SHISA9: variants seen among roughly 807,000 people sequenced by gnomAD.
SHISA9 encodes the protein shisa family member 9.
A neutral mutation model predicts 38.0 loss-of-function variants in SHISA9; 13 were observed. The observed-to-expected ratio is 0.34, with a 90% confidence interval of 0.22 to 0.54. The LOEUF (loss-of-function observed/expected upper bound fraction) is 0.54. SHISA9 is among the 20% of genes least tolerant of loss of function. SHISA9 has a pLI of 0.91. For missense variants in SHISA9, 538 were observed against 575.8 expected (o/e 0.93, Z 0.67); for synonymous variants, 275 against 242.0 (o/e 1.14, Z -1.27).
intron 2 of SHISA9, among the ~76,000 whole-genome samples, chr16:13,143,703 C>A (rs1045940804): frequency 1.3e-5 from 2 of 152,212 alleles, no homozygotes; most frequent in South Asian, 2.1e-4. Flanking sequence ...CAAATGAATT[C>A]TCCCCCATGG....
chr16:13,436,323 A>G, the SHISA9 span, among the ~76,000 whole-genome samples: 1 of 152,220 alleles, frequency 6.6e-6, no homozygotes, highest in Non-Finnish European at 1.5e-5. Context: ...ACTGGTCATT[A>G]TATGCTAACC....
chr16:13,225,645 T>A (rs1225443718), intron 4 of SHISA9, among the ~76,000 whole-genome samples: 1 of 152,104 alleles, frequency 6.6e-6, no homozygotes, highest in Non-Finnish European at 1.5e-5. Flanking sequence ...TAGGAACCCC[T>A]CCCTAAGATA....
chr16:13,121,821 C>A (rs204042), intron 2 of SHISA9, among the ~76,000 whole-genome samples: 2 of 139,202 alleles, frequency 1.4e-5, no homozygotes, highest in African/African-American at 2.7e-5. Flanking sequence ...CATTAAACAC[C>A]TATACACACA....
In SHISA9 at chr16:12,947,814, A is replaced by G. The variant is rs558712417; in HGVS notation, c.691+30999A>G. Among the ~76,000 whole-genome samples, 12 of 152,226 alleles carry G rather than the reference A, an allele frequency of 7.9e-5. No homozygotes were observed. The South Asian group carries it at 8.3e-4, about 11-fold the overall frequency. ...GCCTGGTTCCTCTGAGAAATAGAAC[A>G]CAAATGGTATAATTTTGCAAAGATG... On this transcript the variant is annotated intron_variant, in intron 2 of 4. Transcript: ENST00000558583.
chr16:13,043,397 A>G (rs1330123591), intron 2 of SHISA9, among the ~76,000 whole-genome samples: 1 of 152,208 alleles, frequency 6.6e-6, no homozygotes, highest in Non-Finnish European at 1.5e-5. Context: ...GTAAACAGCT[A>G]GCTACTTCCC....
the SHISA9 span, among the ~76,000 whole-genome samples, chr16:13,487,738 C>T: frequency 6.6e-6 from 1 of 152,140 alleles, no homozygotes; most frequent in African/African-American, 2.4e-5. Context: ...TACTATACTG[C>T]ATTGTTTTTA....
At chr16:13,465,485 G>T in the SHISA9 span, among the ~76,000 whole-genome samples, 1 of 152,166 alleles carries the variant, frequency 6.6e-6, no homozygotes, top group Non-Finnish European at 1.5e-5. Flanking sequence ...CAGGTTGACT[G>T]GGGAGAAACA....
At chr16:13,242,732 TCTGA>T (rs1276607729), downstream of SHISA9, among the ~76,000 whole-genome samples, 1 of 152,242 alleles carries the variant, frequency 6.6e-6, no homozygotes, top group Admixed American at 6.5e-5. Context: ...AACCCTGCTC[TCTGA>T]CTGGACTGAG....
the SHISA9 span, among the ~76,000 whole-genome samples, chr16:13,417,811 C>T: frequency 3.9e-5 from 6 of 152,276 alleles, no homozygotes; most frequent in Non-Finnish European, 7.4e-5. Context: ...TTAATGCCAA[C>T]GGGCAGAGAA....
chr16:13,029,754 T>C (rs1025179220), intron 2 of SHISA9, among the ~76,000 whole-genome samples: 1 of 152,202 alleles, frequency 6.6e-6, no homozygotes, highest in African/African-American at 2.4e-5. Flanking sequence ...ATAAAAACAA[T>C]TGAACCCATC....
chr16:13,307,132 G>A, the SHISA9 span, among the ~76,000 whole-genome samples: 3 of 152,142 alleles, frequency 2.0e-5, no homozygotes, highest in Non-Finnish European at 2.9e-5. Flanking sequence ...TGGACAAGTC[G>A]TTCAACTGCT....
the SHISA9 span, chr16:13,332,579 T>TC: frequency 2.0e-5 from 3 of 152,138 alleles, no homozygotes; most frequent in African/African-American, 7.2e-5. Flanking sequence ...GGATGTTTTT[T>TC]CCCCAAACAA....
the SHISA9 span, among the ~76,000 whole-genome samples, chr16:13,555,831 A>G: frequency 5.3e-5 from 8 of 150,900 alleles, no homozygotes; most frequent in Middle Eastern, 3.5e-3. Context: ...ATAACTATCC[A>G]CCTCTCAGCC....
At chr16:13,025,080 A>G (rs909688342) in intron 2 of SHISA9, among the ~76,000 whole-genome samples, 4 of 151,960 alleles carry the variant, frequency 2.6e-5, no homozygotes, top group South Asian at 4.2e-4. Context: ...TTTTTTTCTG[A>G]ATCTCTAGGT....
intron 2 of SHISA9, among the ~76,000 whole-genome samples, chr16:13,047,451 A>G (rs1448372321): frequency 1.3e-5 from 2 of 152,178 alleles, no homozygotes; most frequent in Admixed American, 1.3e-4. Context: ...TTTACTTTGA[A>G]CAAATTTTCT....
At chr16:13,052,499 A>G (rs1203687567) in intron 2 of SHISA9, among the ~76,000 whole-genome samples, 1 of 152,200 alleles carries the variant, frequency 6.6e-6, no homozygotes, top group Non-Finnish European at 1.5e-5. Flanking sequence ...TGAGTCATGA[A>G]TCAACCATGA....
chr16:13,481,775 A>T, the SHISA9 span, among the ~76,000 whole-genome samples: 1 of 152,220 alleles, frequency 6.6e-6, no homozygotes, highest in Admixed American at 6.5e-5. Context: ...AGGATCTGCA[A>T]ATCTGCAAAG....
At chr16:12,928,332 A>ATG (rs55677451) in intron 2 of SHISA9, among the ~76,000 whole-genome samples, 36,807 of 87,982 alleles carry the variant, frequency 0.42, 4,905 homozygotes, top group East Asian at 0.54. Flanking sequence ...GTGTGTGTGT[A>ATG]TGTGTGTGTG....
At chr16:13,335,783 A>T in the SHISA9 span, among the ~76,000 whole-genome samples, 28 of 152,154 alleles carry the variant, frequency 1.8e-4, no homozygotes, top group Non-Finnish European at 4.0e-4. Context: ...CTCAAGTAGG[A>T]ATCACAGAGT....
Sources: allele counts gnomAD v4.1 joint callset (sites outside exome capture counted in the v4.1 genomes callset), GRCh38; gene constraint gnomAD v4.1.1; transcripts MANE v1.5; gene names NCBI Gene and HGNC (gene_info 2026-07-23, HGNC 2026-07-21).